Variants in INTS4 observed in about 807,000 individuals in gnomAD.
INTS4 encodes MSTP093.
Under a neutral mutation model 119.5 loss-of-function variants are expected in INTS4, and 70 were observed. That is an observed-to-expected ratio of 0.59 (90% confidence interval 0.48 to 0.71). INTS4 has a LOEUF of 0.71. INTS4 is among the 30% of genes least tolerant of loss of function. The pLI, the probability that INTS4 is intolerant of heterozygous loss-of-function variation, is 0.00. For missense variants in INTS4, 867 were observed against 1,173.2 expected (o/e 0.74, Z 3.81); for synonymous variants, 316 against 419.6 (o/e 0.75, Z 3.02).
rs751445032 is a variant in INTS4 at position 77,921,482 on chromosome 11, T to C, written c.1631-9A>G. The stretch of plus-strand genomic sequence containing the variant: ...TACCAAAACTGCAATATCTGATAGA[T>C]GACTGGGTTAAGTAAACTTGGAAGT... On this transcript the variant is annotated splice_polypyrimidine_tract_variant and intron_variant, in intron 13 of 22. Transcript: ENST00000534064. 5.6e-6 allele frequency: 9 copies of C among 1,596,786 alleles called. No individual in the cohort carries two copies. The Admixed American group carries it at 6.7e-5, about 12-fold the overall frequency.
At chr11:77,897,068 G>A (rs958876354) in intron 18 of INTS4, among the ~76,000 whole-genome samples, 29 of 151,916 alleles carry the variant, frequency 1.9e-4, no homozygotes, top group Non-Finnish European at 2.6e-4. Flanking sequence ...CTGGTGTGGC[G>A]GGGGTTGCCC....
intron 4 of INTS4, chr11:77,977,870 T>C (rs1856012842): frequency 6.6e-6 from 1 of 151,486 alleles, no homozygotes; most frequent in Admixed American, 6.6e-5. Flanking sequence ...GTTTTTTCCA[T>C]TTAAGCTGTT....
intron 11 of INTS4, among the ~76,000 whole-genome samples, chr11:77,927,731 C>T (rs1023613664): frequency 2.6e-5 from 4 of 152,210 alleles, no homozygotes; most frequent in African/African-American, 9.6e-5. Context: ...TGATTCACTA[C>T]AAGAATAAAA....
rs750388432 is a variant in INTS4, at chr11:77,979,913, G to A, written c.365-811C>T. Reference sequence around the variant, plus strand: ...GAATCGCTTGAACCCGGGAGGCGGAGGTTGCAGTGAGCCGAGATCGCTCCA... The same window carrying A: ...GAATCGCTTGAACCCGGGAGGCGGAAGTTGCAGTGAGCCGAGATCGCTCCA... On this transcript the variant is annotated intron_variant, in intron 3 of 22. Transcript: ENST00000534064. Among the ~76,000 whole-genome samples, 5 of 150,340 alleles carry A rather than the reference G, an allele frequency of 3.3e-5. 1 individual carries two copies. The South Asian group carries it at 6.3e-4, about 19-fold the overall frequency.
chr11:77,973,929 T>C (rs984594718), intron 4 of INTS4, among the ~76,000 whole-genome samples: 2 of 152,188 alleles, frequency 1.3e-5, no homozygotes, highest in Non-Finnish European at 2.9e-5. Context: ...TTTGTCTGTT[T>C]CTGGTAACTC....
intron 16 of INTS4, 61 bp downstream of exon 16, chr11:77,907,656 C>A (rs1952989602): frequency 1.6e-6 from 2 of 1,234,286 alleles, no homozygotes; most frequent in Non-Finnish European, 1.2e-6. Flanking sequence ...TCACACACTG[C>A]TGGATCCACA....
intron 4 of INTS4, chr11:77,977,834 T>C (rs1020462258): frequency 6.6e-6 from 1 of 151,736 alleles, no homozygotes; most frequent in Non-Finnish European, 1.5e-5. Flanking sequence ...GGAGACGTAC[T>C]TACTCTCCCA....
chr11:77,963,032 T>A (rs978536003), intron 4 of INTS4, among the ~76,000 whole-genome samples: 1 of 151,840 alleles, frequency 6.6e-6, no homozygotes, highest in Non-Finnish European at 1.5e-5. Context: ...CCCCTAAAAT[T>A]CAAAAACAAA....
intron 15 of INTS4, among the ~76,000 whole-genome samples, chr11:77,908,854 A>G (rs1247967933): frequency 6.6e-6 from 1 of 152,076 alleles, no homozygotes; most frequent in East Asian, 1.9e-4. Context: ...TTTAAAAGGT[A>G]TTATGGTAGA....
intron 4 of INTS4, among the ~76,000 whole-genome samples, chr11:77,961,392 A>C (rs1183179489): frequency 6.6e-6 from 1 of 152,178 alleles, no homozygotes; most frequent in Non-Finnish European, 1.5e-5. Context: ...TTGGGAATAC[A>C]AAGGCACTTT....
At chr11:77,984,816 C>T (rs1169571658) in intron 2 of INTS4, among the ~76,000 whole-genome samples, 1 of 147,080 alleles carries the variant, frequency 6.8e-6, no homozygotes, top group East Asian at 2.0e-4. Flanking sequence ...GTGGAGGTTT[C>T]AGTGAACCAT....
intron 10 of INTS4, among the ~76,000 whole-genome samples, chr11:77,934,034 T>A (rs1213745332): frequency 1.2e-4 from 9 of 74,434 alleles, no homozygotes; most frequent in Non-Finnish European, 1.8e-4. Flanking sequence ...AGACTCCATT[T>A]TGTTCTGTAC....
intron 21 of INTS4, among the ~76,000 whole-genome samples, chr11:77,886,868 A>G (rs929902430): frequency 2.6e-5 from 4 of 152,202 alleles, no homozygotes; most frequent in African/African-American, 9.7e-5. Flanking sequence ...TAACGAAATG[A>G]AGGCAGACAT....
Position 77,920,250 on chromosome 11 carries a change from C to A in INTS4, c.1764+1090G>T, listed in dbSNP as rs4944182. On this transcript the variant is annotated intron_variant, in intron 14 of 22. Transcript: ENST00000534064. ...ATACATACATATATACATATATATA[C>A]ATATATACATATATACACATATATA... 3.1e-5 allele frequency among the ~76,000 whole-genome samples: 4 copies of A among 127,322 alleles called. No individual in the cohort carries two copies. In the South Asian group the frequency reaches 9.6e-4, roughly 31 times the overall value. The allele number at this position is 127,322 out of a possible 152,430, so 83.5% of individuals were successfully genotyped here.
intron 8 of INTS4, among the ~76,000 whole-genome samples, chr11:77,952,935 G>A (rs900822623): frequency 4.6e-5 from 7 of 152,072 alleles, no homozygotes; most frequent in Middle Eastern, 6.8e-3. Context: ...TGTAAATGCC[G>A]AATGAAAGGA....
intron 4 of INTS4, among the ~76,000 whole-genome samples, chr11:77,971,125 G>A (rs925746403): frequency 6.6e-6 from 1 of 152,024 alleles, no homozygotes; most frequent in African/African-American, 2.4e-5. Flanking sequence ...GTTTTGATAT[G>A]CATTTCCCTA....
At chr11:77,905,494 C>A (rs1952921077) in intron 16 of INTS4, among the ~76,000 whole-genome samples, 1 of 151,766 alleles carries the variant, frequency 6.6e-6, no homozygotes, top group Non-Finnish European at 1.5e-5. Context: ...AAAACGGACT[C>A]TCTGGGTTCT....
At chr11:77,911,073 C>T in intron 15 of INTS4, 2 of 1,287,632 alleles carry the variant, frequency 1.6e-6, no homozygotes, top group Middle Eastern at 2.1e-4. Context: ...TATGACACTT[C>T]CTCCCATCTC....
downstream of INTS4, among the ~76,000 whole-genome samples, chr11:77,878,138 A>G (rs552532964): frequency 2.7e-3 from 413 of 152,240 alleles, 6 homozygotes; most frequent in South Asian, 0.033. Context: ...CAAGGTGGGC[A>G]GATCACGAGG....
Sources: allele counts gnomAD v4.1 joint callset (sites outside exome capture counted in the v4.1 genomes callset), GRCh38; gene constraint gnomAD v4.1.1; transcripts MANE v1.5; gene names NCBI Gene and HGNC (gene_info 2026-07-23, HGNC 2026-07-21).